Variants in KAZN observed in about 807,000 individuals in gnomAD.
KAZN encodes kazrin.
A neutral mutation model predicts 87.4 loss-of-function variants in KAZN; 40 were observed. That is an observed-to-expected ratio of 0.46 (90% confidence interval 0.36 to 0.60). The LOEUF (loss-of-function observed/expected upper bound fraction) is 0.60, where lower values mean the gene tolerates loss of function less well. KAZN is among the 20% of genes least tolerant of loss of function. KAZN has a pLI of 0.00. For synonymous variants in KAZN, 466 were observed against 458.3 expected, an observed-to-expected ratio of 1.02 and a Z score of -0.22; for missense variants, 898 against 1,073.9, an observed-to-expected ratio of 0.84 and a Z score of 2.29.
chr1:14,406,678 C>T (rs1312856964), intron 2 of KAZN, among the ~76,000 whole-genome samples: 1 of 152,082 alleles, frequency 6.6e-6, no homozygotes, highest in Non-Finnish European at 1.5e-5. Flanking sequence ...CCTGTTCCCC[C>T]AAAACCTATG....
At chr1:15,034,272 G>C (rs756896997) in intron 2 of KAZN, among the ~76,000 whole-genome samples, 3 of 152,156 alleles carry the variant, frequency 2.0e-5, no homozygotes, top group Non-Finnish European at 4.4e-5. Flanking sequence ...ATATGTCTTA[G>C]TGCATGTTTT....
intron 2 of KAZN, among the ~76,000 whole-genome samples, chr1:14,236,196 T>C (rs1557583306): frequency 6.6e-6 from 1 of 152,186 alleles, no homozygotes; most frequent in Non-Finnish European, 1.5e-5. Context: ...CAGTCCACCC[T>C]AAGTGGCTTT....
intron 1 of KAZN, among the ~76,000 whole-genome samples, chr1:13,938,989 C>T (rs1640840307): frequency 1.3e-5 from 2 of 152,194 alleles, no homozygotes; most frequent in Non-Finnish European, 2.9e-5. Context: ...CAAAACCATT[C>T]TTTCCTCCTA....
chr1:15,091,978 G>A (rs1449106506), intron 8 of KAZN, among the ~76,000 whole-genome samples: 2 of 116,646 alleles, frequency 1.7e-5, no homozygotes, highest in African/African-American at 8.4e-5. Flanking sequence ...GGATGGATAA[G>A]CATTTTTTTT....
chr1:14,392,461 C>T (rs7527767), intron 2 of KAZN, among the ~76,000 whole-genome samples: 49,028 of 151,820 alleles, frequency 0.32, 8,793 homozygotes, highest in East Asian at 0.73. Context: ...ATGTTCAAGG[C>T]GGGACGATTG....
chr1:13,961,008 A>C (rs1183631438), intron 1 of KAZN, among the ~76,000 whole-genome samples: 1 of 152,224 alleles, frequency 6.6e-6, no homozygotes, highest in East Asian at 1.9e-4. Context: ...ACTGTATGCC[A>C]GGCACATTCT....
At chr1:14,235,195 C>A (rs189921802) in intron 2 of KAZN, among the ~76,000 whole-genome samples, 2 of 151,970 alleles carry the variant, frequency 1.3e-5, no homozygotes, top group East Asian at 3.9e-4. Context: ...AAATATTATT[C>A]ATCCATAAAC....
intron 2 of KAZN, among the ~76,000 whole-genome samples, chr1:14,568,458 A>G (rs1395901290): frequency 6.6e-6 from 1 of 152,192 alleles, no homozygotes; most frequent in Admixed American, 6.5e-5. Context: ...CTTCACAATC[A>G]TGGTGGAAGG....
At chr1:15,063,828 C>G (rs968972646) in intron 7 of KAZN, among the ~76,000 whole-genome samples, 2 of 135,096 alleles carry the variant, frequency 1.5e-5, no homozygotes, top group African/African-American at 7.8e-5. Context: ...CCATGCCGCA[C>G]ACCCAAGGCG....
At chr1:14,893,320 C>T (rs920080992) in intron 1 of KAZN, among the ~76,000 whole-genome samples, 4 of 152,034 alleles carry the variant, frequency 2.6e-5, no homozygotes, top group Admixed American at 6.5e-5. Context: ...GAGCAGAGAT[C>T]GCACCATTGC....
At chr1:14,865,233 T>G (rs775220432) in intron 1 of KAZN, among the ~76,000 whole-genome samples, 2 of 152,140 alleles carry the variant, frequency 1.3e-5, no homozygotes, top group African/African-American at 2.4e-5. Context: ...AAGAGACTTT[T>G]CCAGAGAAAT....
intron 2 of KAZN, among the ~76,000 whole-genome samples, chr1:14,227,087 A>G (rs1340654229): frequency 6.6e-6 from 1 of 152,082 alleles, no homozygotes; most frequent in Non-Finnish European, 1.5e-5. Context: ...AGACAGAAGA[A>G]GAAACAATGA....
rs1294913550 is a variant in KAZN, at chr1:13,966,199, TTCCC to T, written c.91+72451_91+72454del. Among the ~76,000 whole-genome samples the T allele has an allele frequency of 2.5e-4, 32 of 127,138 alleles. No homozygotes were observed. In the South Asian group the frequency reaches 8.9e-3, roughly 35 times the overall value. 83.4% of individuals were successfully genotyped at this position (127,138 alleles called of 152,430 possible). On this transcript the variant is annotated intron_variant, in intron 1 of 16. Transcript: ENST00000636203. ...CTCTTCCTTCCCTCCCTCCTACTCC[TTCCC>T]TCCCTCCTACTCCCTCAACACACCT...
At chr1:14,351,290 G>T (rs548344541) in intron 2 of KAZN, among the ~76,000 whole-genome samples, 5 of 152,334 alleles carry the variant, frequency 3.3e-5, no homozygotes, top group African/African-American at 1.2e-4. Context: ...ATCAGGCCAG[G>T]CACTGTGGCT....
chr1:14,838,162 C>T (rs182257424), intron 1 of KAZN, among the ~76,000 whole-genome samples: 2 of 152,106 alleles, frequency 1.3e-5, no homozygotes, highest in East Asian at 1.9e-4. Context: ...TGCACCCTCA[C>T]GTGGAGGAAG....
chr1:14,765,578 C>T (rs1405246041), intron 1 of KAZN, among the ~76,000 whole-genome samples: 2 of 152,170 alleles, frequency 1.3e-5, no homozygotes, highest in African/African-American at 2.4e-5. Flanking sequence ...CTGCAAAGGA[C>T]ATAGGAGAGA....
chr1:14,301,643 G>A (rs926256763), intron 2 of KAZN, among the ~76,000 whole-genome samples: 2 of 152,242 alleles, frequency 1.3e-5, no homozygotes, highest in African/African-American at 4.8e-5. Context: ...GAAGACATAT[G>A]CCAGCAGCAG....
At chr1:14,739,681 G>A (rs1454456303) in intron 1 of KAZN, among the ~76,000 whole-genome samples, 1 of 150,020 alleles carries the variant, frequency 6.7e-6, no homozygotes, top group African/African-American at 2.5e-5. Flanking sequence ...TTTTTGTATT[G>A]TTTGAAGTTC....
intron 2 of KAZN, among the ~76,000 whole-genome samples, chr1:14,521,969 A>C (rs1028960228): frequency 6.6e-6 from 1 of 152,178 alleles, no homozygotes; most frequent in African/African-American, 2.4e-5. Flanking sequence ...AAAGAATGTG[A>C]ACTTTTGAGA....
Sources: gnomAD v4.1 joint callset for allele counts (sites outside exome capture counted in the v4.1 genomes callset) on GRCh38, gnomAD v4.1.1 for gene constraint, MANE v1.5 for transcripts, NCBI Gene and HGNC (gene_info 2026-07-23, HGNC 2026-07-21) for gene names.